The following HDAC9 variants were observed in gnomAD, a reference collection of about 807,000 sequenced individuals.
HDAC9 encodes the protein MEF-2 interacting transcription repressor (MITR) protein.
Under a neutral mutation model 139.4 loss-of-function variants are expected in HDAC9, and 41 were observed. The ratio of observed to expected loss-of-function variants is 0.29; its 90% CI spans 0.23 to 0.38. The LOEUF (loss-of-function observed/expected upper bound fraction) is 0.38. Ranked by LOEUF, HDAC9 falls within the 10% of genes least tolerant of loss-of-function variation. The pLI is 1.00. For synonymous variants in HDAC9, 517 were observed against 476.2 expected, an observed-to-expected ratio of 1.09 and a Z score of -1.12; for missense variants, 1,147 against 1,297.0, an observed-to-expected ratio of 0.88 and a Z score of 1.78.
chr7:18,771,434 C>T (rs953080859), intron 16 of HDAC9, among the ~76,000 whole-genome samples: 6 of 152,050 alleles, frequency 3.9e-5, no homozygotes, highest in African/African-American at 1.4e-4. Context: ...ATCAACTATA[C>T]TCACTACGCG....
intron 22 of HDAC9, among the ~76,000 whole-genome samples, chr7:18,906,615 A>C (rs964413897): frequency 6.6e-6 from 1 of 152,210 alleles, no homozygotes; most frequent in Admixed American, 6.5e-5. Flanking sequence ...AGATTACAGG[A>C]TGCAACAGTG....
At chr7:18,928,034 C>A (rs1804390992) in intron 22 of HDAC9, among the ~76,000 whole-genome samples, 1 of 152,146 alleles carries the variant, frequency 6.6e-6, no homozygotes, top group Non-Finnish European at 1.5e-5. Flanking sequence ...GTCACCATTT[C>A]TTTATTAACC....
intron 1 of HDAC9, among the ~76,000 whole-genome samples, chr7:18,338,383 C>T (rs575392079): frequency 4.6e-5 from 7 of 151,492 alleles, no homozygotes; most frequent in Non-Finnish European, 8.9e-5. Flanking sequence ...GTCTCTTTTT[C>T]CTTAATGTTT....
chr7:18,453,422 G>A (rs1793064201), intron 1 of HDAC9, among the ~76,000 whole-genome samples: 1 of 152,314 alleles, frequency 6.6e-6, no homozygotes, highest in East Asian at 1.9e-4. Context: ...AATAGCCTAA[G>A]ACATAAATAG....
intron 1 of HDAC9, among the ~76,000 whole-genome samples, chr7:18,130,146 G>C (rs1465638444): frequency 6.6e-6 from 1 of 152,112 alleles, no homozygotes; most frequent in Non-Finnish European, 1.5e-5. Context: ...CAGTTGAGCA[G>C]CCCTAATTTG....
At chr7:18,411,817 CTTTTTTTT>C (rs71014326) in intron 1 of HDAC9, among the ~76,000 whole-genome samples, 29 of 88,950 alleles carry the variant, frequency 3.3e-4, no homozygotes, top group Non-Finnish European at 3.9e-4. Context: ...TTTCAACTTG[CTTTTTTTT>C]TTTTTTTTTT....
At chr7:18,761,200 C>T (rs1004079008) in intron 14 of HDAC9, among the ~76,000 whole-genome samples, 2 of 152,190 alleles carry the variant, frequency 1.3e-5, no homozygotes, top group African/African-American at 2.4e-5. Flanking sequence ...TTATCAGGCT[C>T]ACAGATGTGC....
chr7:18,972,818 C>A (rs1784330572), intron 24 of HDAC9, among the ~76,000 whole-genome samples: 2 of 152,194 alleles, frequency 1.3e-5, no homozygotes, highest in Admixed American at 6.5e-5. Flanking sequence ...CTAGTTTCAA[C>A]ATGATTGTCT....
intron 1 of HDAC9, among the ~76,000 whole-genome samples, chr7:18,349,202 G>C: frequency 6.6e-6 from 1 of 151,738 alleles, no homozygotes; most frequent in East Asian, 1.9e-4. Flanking sequence ...TTTTGCATTT[G>C]TTGGTCCCTG....
intron 12 of HDAC9, among the ~76,000 whole-genome samples, chr7:18,673,933 T>G (rs1040095814): frequency 6.6e-6 from 1 of 152,052 alleles, no homozygotes; most frequent in African/African-American, 2.4e-5. Context: ...CAATATTAGT[T>G]GTAAGGAGAA....
chr7:18,835,232 T>C (rs1392614827), intron 19 of HDAC9, among the ~76,000 whole-genome samples: 2 of 152,108 alleles, frequency 1.3e-5, no homozygotes, highest in Non-Finnish European at 2.9e-5. Flanking sequence ...TTTCCTGATT[T>C]TTAGAAGCCA....
At chr7:18,683,321 A>G (rs1482063685) in intron 12 of HDAC9, among the ~76,000 whole-genome samples, 1 of 152,068 alleles carries the variant, frequency 6.6e-6, no homozygotes, top group Non-Finnish European at 1.5e-5. Flanking sequence ...TTGTGCCACT[A>G]TGGTCAAAAT....
intron 7 of HDAC9, among the ~76,000 whole-genome samples, chr7:18,630,745 C>CT (rs994461861): frequency 1.6e-4 from 24 of 152,072 alleles, no homozygotes; most frequent in Admixed American, 1.0e-3. Flanking sequence ...GAGTTACAGA[C>CT]TTTTTTCCCA....
At position 18,307,138 on chromosome 7, in the gene HDAC9, TG is replaced by T. The variant is rs1325731408; in HGVS notation, c.-42+16624del. Among the ~76,000 whole-genome samples, 1,200 of 124,982 alleles carry T rather than the reference TG, an allele frequency of 9.6e-3. 18 individuals carry two copies. The highest frequency in any genetic ancestry group is 0.046 in the African/African-American group (1,093 of 23,640). 82.0% of individuals were successfully genotyped at this position (124,982 alleles called of 152,430 possible). A position where few individuals can be genotyped will look rare whatever the true frequency, so the allele number is the denominator to read the frequency against. The stretch of plus-strand genomic sequence containing the variant: ...GTGTGTGTGTGTGTGTGTGTGTGTG[TG>T]TGTGTTTGTATAGGAGGAGGCAAGA... On this transcript the variant is annotated intron_variant, in intron 1 of 3. Coordinates refer to the HDAC9 transcript ENST00000413509.
intron 17 of HDAC9, among the ~76,000 whole-genome samples, chr7:18,805,225 C>T (rs557590628): frequency 6.6e-6 from 1 of 152,320 alleles, no homozygotes; most frequent in African/African-American, 2.4e-5. Flanking sequence ...CACTCATGTC[C>T]ACAAACAGGA....
At chr7:18,303,004 TG>T (rs1182456794) in intron 1 of HDAC9, among the ~76,000 whole-genome samples, 4 of 152,046 alleles carry the variant, frequency 2.6e-5, no homozygotes, top group Non-Finnish European at 2.9e-5. Context: ...GTTTGTCAAT[TG>T]TTTTTTTTTA....
At chr7:18,135,855 C>A (rs1358380997) in intron 1 of HDAC9, among the ~76,000 whole-genome samples, 1 of 142,244 alleles carries the variant, frequency 7.0e-6, no homozygotes, top group Admixed American at 6.8e-5. Context: ...ATTTCCAGTT[C>A]TAGATCCCTG....
rs77412815 is a variant in HDAC9, at chr7:18,367,980, T to C, written c.-42+77465T>C. On this transcript the variant is annotated intron_variant, in intron 1 of 3. Transcript: ENST00000413509. ...TTATTCAACATAGTGTTTCGACTTA[T>C]GGGAAATGCTTGCTTTGTCTACTTT... is the stretch of plus-strand genomic sequence containing the variant. Among the ~76,000 whole-genome samples the C allele has an allele frequency of 6.8e-3, 1,036 of 152,256 alleles. 14 individuals carry two copies. The highest frequency in any genetic ancestry group is 0.024 in the African/African-American group (1,002 of 41,564).
At chr7:18,387,345 A>G (rs1786035707) in intron 1 of HDAC9, among the ~76,000 whole-genome samples, 1 of 152,186 alleles carries the variant, frequency 6.6e-6, no homozygotes, top group Admixed American at 6.5e-5. Context: ...TAAATGCTGG[A>G]TTCATAATCC....
Sources: allele counts gnomAD v4.1 joint callset (sites outside exome capture counted in the v4.1 genomes callset), GRCh38; gene constraint gnomAD v4.1.1; transcripts MANE v1.5; gene names NCBI Gene and HGNC (gene_info 2026-07-23, HGNC 2026-07-21).